Variants in WDPCP observed in about 807,000 individuals in gnomAD.
WDPCP encodes WD repeat containing planar cell polarity effector.
In WDPCP, 71 loss-of-function variants were observed where a neutral mutation model predicts 93.1. The ratio of observed to expected loss-of-function variants is 0.76; its 90% CI spans 0.63 to 0.93. The LOEUF (loss-of-function observed/expected upper bound fraction) is 0.93, where lower values mean the gene tolerates loss of function less well. Ranked by LOEUF, WDPCP falls within the 40% of genes least tolerant of loss-of-function variation. WDPCP has a pLI of 0.00. For missense variants in WDPCP, 844 were observed against 887.4 expected, an observed-to-expected ratio of 0.95 and a Z score of 0.62; for synonymous variants, 315 against 315.0, an observed-to-expected ratio of 1.00 and a Z score of 0.00.
chr2:63,142,057 C>A (rs6722945), intron 17 of WDPCP, among the ~76,000 whole-genome samples: 1 of 152,068 alleles, frequency 6.6e-6, no homozygotes, highest in Non-Finnish European at 1.5e-5. Context: ...AATGATCTAT[C>A]AGTTTTATTT....
chr2:63,331,370 T>C (rs370625744), intron 12 of WDPCP, among the ~76,000 whole-genome samples: 1 of 152,174 alleles, frequency 6.6e-6, no homozygotes, highest in Non-Finnish European at 1.5e-5. Flanking sequence ...ACTGGGAGGA[T>C]ATATTATCTT....
chr2:63,812,328 G>GC (rs1670875009), intron 2 of WDPCP, among the ~76,000 whole-genome samples: 1 of 152,164 alleles, frequency 6.6e-6, no homozygotes. Flanking sequence ...TGGGCACCTA[G>GC]ATTGATTCCA....
At chr2:63,600,737 G>A (rs957265575) in intron 3 of WDPCP, among the ~76,000 whole-genome samples, 1 of 152,130 alleles carries the variant, frequency 6.6e-6, no homozygotes, top group African/African-American at 2.4e-5. Context: ...TTCCCTGAGA[G>A]GCTATAGGCT....
intron 2 of WDPCP, among the ~76,000 whole-genome samples, chr2:63,491,555 T>A (rs1700879445): frequency 6.6e-6 from 1 of 152,190 alleles, no homozygotes; most frequent in South Asian, 2.1e-4. Flanking sequence ...TATGACATTC[T>A]CAGAACCAAG....
At chr2:63,643,066 G>A (rs1451029991) in intron 3 of WDPCP, 1 of 152,898 alleles carries the variant, frequency 6.5e-6, no homozygotes, top group Admixed American at 6.5e-5. Flanking sequence ...TGCTTTTTTT[G>A]GCATCTGTTG....
intron 3 of WDPCP, among the ~76,000 whole-genome samples, chr2:63,596,512 G>C (rs1709314877): frequency 6.6e-6 from 1 of 152,196 alleles, no homozygotes; most frequent in Admixed American, 6.5e-5. Context: ...AAAGGGCCCA[G>C]ATTGCTGTTG....
intron 2 of WDPCP, among the ~76,000 whole-genome samples, chr2:63,651,572 G>A (rs1710109975): frequency 1.3e-5 from 2 of 152,266 alleles, no homozygotes; most frequent in South Asian, 4.1e-4. Flanking sequence ...AGGCAGGCTG[G>A]AAACTCTGGA....
At chr2:63,350,453 A>T (rs1343397262) in intron 12 of WDPCP, among the ~76,000 whole-genome samples, 1 of 145,136 alleles carries the variant, frequency 6.9e-6, no homozygotes, top group Non-Finnish European at 1.5e-5. Context: ...AGAAAATAGG[A>T]AATAGAGAAA....
At chr2:63,291,624 C>T (rs1308236567) in intron 13 of WDPCP, among the ~76,000 whole-genome samples, 1 of 152,048 alleles carries the variant, frequency 6.6e-6, no homozygotes, top group African/African-American at 2.4e-5. Flanking sequence ...GCCTGGCCAA[C>T]ATGGTGAAAA....
intron 12 of WDPCP, among the ~76,000 whole-genome samples, chr2:63,334,301 G>A (rs1427735734): frequency 6.6e-6 from 1 of 152,158 alleles, no homozygotes; most frequent in Non-Finnish European, 1.5e-5. Context: ...CAAAGTTGAG[G>A]ATGCGTGCCT....
chr2:63,834,029 T>G, the WDPCP span, among the ~76,000 whole-genome samples: 1 of 152,226 alleles, frequency 6.6e-6, no homozygotes, highest in Admixed American at 6.5e-5. Flanking sequence ...GTTTTATCAC[T>G]GTTTTATTCC....
chr2:63,630,632 A>G (rs1709854199), intron 3 of WDPCP, among the ~76,000 whole-genome samples: 7 of 152,166 alleles, frequency 4.6e-5, no homozygotes, highest in Admixed American at 3.9e-4. Context: ...TGAAGCAAAA[A>G]CTGATAGGAT....
At chr2:63,315,818 C>T (rs1686590688) in intron 12 of WDPCP, among the ~76,000 whole-genome samples, 1 of 151,484 alleles carries the variant, frequency 6.6e-6, no homozygotes, top group African/African-American at 2.4e-5. Context: ...AGTACAGCAG[C>T]GTGATTATAG....
chr2:63,657,924 C>T (rs1251527139), intron 2 of WDPCP, among the ~76,000 whole-genome samples: 2 of 152,136 alleles, frequency 1.3e-5, no homozygotes, highest in African/African-American at 2.4e-5. Flanking sequence ...TTGTGGAGCA[C>T]AAACCTTGCT....
At chr2:63,771,082 G>C (rs180978811) in intron 2 of WDPCP, among the ~76,000 whole-genome samples, 1 of 150,752 alleles carries the variant, frequency 6.6e-6, no homozygotes, top group African/African-American at 2.4e-5. Flanking sequence ...ATATCTTTAG[G>C]GTCCTCAATA....
At chr2:63,779,787 C>A (rs1364892240) in intron 2 of WDPCP, among the ~76,000 whole-genome samples, 1 of 152,114 alleles carries the variant, frequency 6.6e-6, no homozygotes, top group Non-Finnish European at 1.5e-5. Flanking sequence ...GCTGAAAATA[C>A]TGTTTAAAAA....
intron 1 of WDPCP, among the ~76,000 whole-genome samples, chr2:63,824,157 A>G (rs1361882570): frequency 6.6e-6 from 1 of 151,996 alleles, no homozygotes. Context: ...AGTTTTCATG[A>G]GATCTGATGG....
At chr2:63,226,578 C>G (rs895481123) in intron 14 of WDPCP, among the ~76,000 whole-genome samples, 3 of 151,882 alleles carry the variant, frequency 2.0e-5, no homozygotes, top group African/African-American at 7.2e-5. Flanking sequence ...GAAAATATTT[C>G]CCAGCTATTC....
intron 14 of WDPCP, among the ~76,000 whole-genome samples, chr2:63,219,152 C>A (rs1347733374): frequency 4.9e-4 from 75 of 152,064 alleles, no homozygotes; most frequent in Non-Finnish European, 2.9e-5. Context: ...CTTTTACGAG[C>A]CAAAACATAG....
Sources: gnomAD v4.1 joint callset for allele counts (sites outside exome capture counted in the v4.1 genomes callset) on GRCh38, gnomAD v4.1.1 for gene constraint, MANE v1.5 for transcripts, NCBI Gene and HGNC (gene_info 2026-07-23, HGNC 2026-07-21) for gene names.